The following ZNF534 variants were observed in gnomAD, a reference collection of about 807,000 sequenced individuals.
The protein encoded by ZNF534 is zinc finger protein 534.
Under a neutral mutation model 13.6 loss-of-function variants are expected in ZNF534, and 19 were observed. That is an observed-to-expected ratio of 1.40 (90% CI 0.97 to 2.05). The LOEUF (loss-of-function observed/expected upper bound fraction) is 2.05, where lower values mean the gene tolerates loss of function less well. Ranked by LOEUF, ZNF534 falls within the 30% of genes most tolerant of loss-of-function variation. ZNF534 has a pLI of 0.00. For missense variants in ZNF534, 782 were observed against 796.3 expected, an observed-to-expected ratio of 0.98 and a Z score of 0.22; for synonymous variants, 244 against 273.8, an observed-to-expected ratio of 0.89 and a Z score of 1.07.
chr19:52,444,258 G>T (rs529314116), downstream of ZNF534, among the ~76,000 whole-genome samples: 1 of 152,238 alleles, frequency 6.6e-6, no homozygotes, highest in East Asian at 1.9e-4. Context: ...TGTAGTGATT[G>T]TTATCTCCCA....
chr19:52,449,400 TTG>T (rs1448581691), intron 4 of ZNF534, among the ~76,000 whole-genome samples: 1 of 151,710 alleles, frequency 6.6e-6, no homozygotes, highest in Non-Finnish European at 1.5e-5. Flanking sequence ...AACAGTGGAA[TTG>T]CTGGATCATA....
downstream of ZNF534, among the ~76,000 whole-genome samples, chr19:52,446,054 A>G (rs1015134090): frequency 7.2e-5 from 11 of 152,206 alleles, no homozygotes; most frequent in Non-Finnish European, 1.3e-4. Flanking sequence ...GTTCCTTTAA[A>G]TCTTTAATTC....
exon 5 of ZNF534, chr19:52,451,402 A>C (rs1424512696): frequency 5.3e-6 from 4 of 752,278 alleles, no homozygotes; most frequent in Non-Finnish European, 9.4e-6. Flanking sequence ...CGGGACTCTC[A>C]GGGCCGGGCC....
chr19:52,451,738 G>T, exon 5 of ZNF534: 1 of 677,590 alleles, frequency 1.5e-6, no homozygotes, highest in Non-Finnish European at 2.7e-6. Context: ...TGATGTAGGA[G>T]CTGGTATCAC....
At position 52,442,360 on chromosome 19, in the gene ZNF534, A is replaced by G. The variant is rs1050758553; in HGVS notation, c.*2914A>G. Among the ~76,000 whole-genome samples, 6 of 152,250 alleles carry G rather than the reference A, an allele frequency of 3.9e-5. No homozygotes were observed. Among genetic ancestry groups the G allele is most frequent in the Non-Finnish European group, 7.3e-5 (5 of 68,050 alleles). Reference sequence around the variant, plus strand: ...TAATAGCATGTGCATTCTGTGCCTTAAGGACATGTTCATGCTGCAGATAAC... The same window carrying G: ...TAATAGCATGTGCATTCTGTGCCTTGAGGACATGTTCATGCTGCAGATAAC... On this transcript the variant is annotated 3_prime_UTR_variant, in exon 5 of 5. Coordinates refer to ENST00000433050, the MANE Select transcript of ZNF534 (RefSeq NM_001143938.3).
At chr19:52,444,654 C>CT (rs1299207511), downstream of ZNF534, among the ~76,000 whole-genome samples, 1 of 151,880 alleles carries the variant, frequency 6.6e-6, no homozygotes, top group African/African-American at 2.4e-5. Context: ...AGCTCAGACT[C>CT]TCCTTGGCAG....
chr19:52,449,957 G>A (rs536245382), intron 4 of ZNF534, among the ~76,000 whole-genome samples: 14 of 152,190 alleles, frequency 9.2e-5, no homozygotes, highest in African/African-American at 2.4e-4. Flanking sequence ...GAAGGCAGAC[G>A]TTGCAGTGAG....
chr19:52,449,569 TCTAA>T (rs2059205868), intron 4 of ZNF534, among the ~76,000 whole-genome samples: 3 of 152,166 alleles, frequency 2.0e-5, no homozygotes, highest in African/African-American at 7.2e-5. Flanking sequence ...TGATAGCCAT[TCTAA>T]CTGAGATGAC....
chr19:52,449,536 G>A (rs2059205695), intron 4 of ZNF534, among the ~76,000 whole-genome samples: 1 of 23,670 alleles, frequency 4.2e-5, no homozygotes, highest in African/African-American at 9.3e-5. Flanking sequence ...ACCAGCATTT[G>A]TTATTTTTTT....
chr19:52,446,218 A>G (rs1434712395), downstream of ZNF534, among the ~76,000 whole-genome samples: 3 of 152,156 alleles, frequency 2.0e-5, no homozygotes, highest in Non-Finnish European at 4.4e-5. Flanking sequence ...ATCCCCCACC[A>G]CATGCCAATT....
At chr19:52,433,601 C>T (rs756042195) in intron 2 of ZNF534, among the ~76,000 whole-genome samples, 6 of 152,288 alleles carry the variant, frequency 3.9e-5, no homozygotes, top group South Asian at 2.1e-4. Flanking sequence ...CTCCTGACCT[C>T]GTGATCCGAC....
Position 52,439,768 on chromosome 19 carries a change from A to AAG in ZNF534, c.*323_*324insGA, listed in dbSNP as rs904053382. 1.3e-5 allele frequency among the ~76,000 whole-genome samples: 2 copies of AAG among 151,736 alleles called. No individual in the cohort carries two copies. The highest frequency in any genetic ancestry group is 4.8e-5 in the African/African-American group (2 of 41,242). On this transcript the variant is annotated 3_prime_UTR_variant, in exon 5 of 5. Coordinates refer to ENST00000433050, the MANE Select transcript of ZNF534 (RefSeq NM_001143938.3). ...TGAAACTCCATCTCAAAAAAAGAAA[A>AAG]AAAAAAAATGAGTGAAGCTGCCAAG...
At position 52,451,730 on chromosome 19, in the gene ZNF534, A is replaced by G; in HGVS notation, c.*233A>G. On this transcript the variant is annotated 3_prime_UTR_variant, in exon 5 of 5. Transcript: ENST00000301085. Reference sequence around the variant, plus strand: ...GGCTTGGCTGCAAAACACTTTGTTGATGTAGGAGCTGGTATCACAGATGAA... The same window carrying G: ...GGCTTGGCTGCAAAACACTTTGTTGGTGTAGGAGCTGGTATCACAGATGAA... 4.4e-6 allele frequency: 3 copies of G among 686,598 alleles called. No homozygotes were observed. The South Asian group carries it at 5.1e-5, about 12-fold the overall frequency. 42.5% of individuals were successfully genotyped at this position (686,598 alleles called of 1,614,324 possible).
At chr19:52,434,513 A>T (rs2059116015) in intron 3 of ZNF534, among the ~76,000 whole-genome samples, 1 of 149,418 alleles carries the variant, frequency 6.7e-6, no homozygotes, top group Non-Finnish European at 1.5e-5. Context: ...TGCTTTCTGA[A>T]CTTGAAATGT....
Position 52,439,668 on chromosome 19 carries a change from A to C in ZNF534, c.*222A>C, listed in dbSNP as rs2122703517. 6.6e-6 allele frequency among the ~76,000 whole-genome samples: 1 copy of C among 151,784 alleles called. No individual in the cohort carries two copies. The highest frequency in any genetic ancestry group is 1.5e-5 in the Non-Finnish European group (1 of 67,956). ...CAGCTACTCAGGAGGCTGAGGCAGGAGGATGGCATGAACCTGGGAGGCAGA... is the reference window on the plus strand; with the variant it reads ...CAGCTACTCAGGAGGCTGAGGCAGGCGGATGGCATGAACCTGGGAGGCAGA... On this transcript the variant is annotated 3_prime_UTR_variant, in exon 5 of 5. Coordinates refer to ENST00000433050, the MANE Select transcript of ZNF534 (RefSeq NM_001143938.3).
In ZNF534 at chr19:52,451,349, G is replaced by GC. The variant is rs1488813704; in HGVS notation, c.435dup (p.Asp146ArgfsTer42). ...TTTCCTTCCGTTTCTGCTTCGCTTG[G>GC]CGATGCAAAACGCGCGAGGCTCACG... On this transcript the variant is annotated frameshift_variant, in exon 5 of 5. Coordinates refer to the ZNF534 transcript ENST00000301085. LOFTEE classifies it low-confidence loss of function (END_TRUNC). 2 of 1,035,900 alleles carry GC rather than the reference G, an allele frequency of 1.9e-6. No individual in the cohort carries two copies. Among genetic ancestry groups the GC allele is most frequent in the Non-Finnish European group, 3.0e-6 (2 of 675,290 alleles). The allele number at this position is 1,035,900 out of a possible 1,614,324, so 64.2% of individuals were successfully genotyped here.
chr19:52,450,039 G>T (rs185690505), intron 4 of ZNF534, among the ~76,000 whole-genome samples: 82 of 152,196 alleles, frequency 5.4e-4, no homozygotes, highest in African/African-American at 1.9e-3. Context: ...AATTGCTATC[G>T]TGATGTTTGA....
In ZNF534 at chr19:52,438,631, T is replaced by C. The variant is rs2059147289; in HGVS notation, c.1171T>C (p.Phe391Leu). 1 of 1,589,210 alleles carries C rather than the reference T, an allele frequency of 6.3e-7. No individual in the cohort carries two copies. The change falls in exon 5 of 5, where the codon TTT becomes CTT. Residue 391 changes from phenylalanine (F) to leucine (L), a missense_variant. Around this residue, in one of 5 missense-constraint regions of ZNF534, gnomAD observed 591 missense variants for 574.0 expected, o/e 1.03. Transcript: ENST00000433050. ...PYKCNECGKV[F>L]IGNSRLARHR... ...CAAATGTAATGAGTGTGGCAAGGTC[T>C]TTATTGGCAATTCACGCCTTGCACG...
At chr19:52,434,918 A>G (rs1454139225) in intron 3 of ZNF534, among the ~76,000 whole-genome samples, 163 bp from the exon 4 acceptor site, 3 of 152,172 alleles carry the variant, frequency 2.0e-5, no homozygotes, top group East Asian at 3.8e-4. Flanking sequence ...CTTGACGTCT[A>G]CATGTTACAA....
Sources: allele counts gnomAD v4.1 joint callset (sites outside exome capture counted in the v4.1 genomes callset), GRCh38; gene constraint gnomAD v4.1.1; regional missense constraint gnomAD v4.1.1; transcripts MANE v1.5; gene names NCBI Gene and HGNC (gene_info 2026-07-23, HGNC 2026-07-21).